Variants in PPIH observed in about 807,000 individuals in gnomAD.
PPIH encodes the protein peptidylprolyl isomerase H.
Under a neutral mutation model 27.6 loss-of-function variants are expected in PPIH, and 16 were observed. The ratio of observed to expected loss-of-function variants is 0.58; its 90% CI spans 0.39 to 0.88. The LOEUF (loss-of-function observed/expected upper bound fraction) is 0.88, where lower values mean the gene tolerates loss of function less well. Ranked by LOEUF, PPIH falls within the 40% of genes least tolerant of loss-of-function variation. The pLI is 0.00. For missense variants in PPIH, 155 were observed against 224.1 expected (o/e 0.69, Z 1.97); for synonymous variants, 63 against 76.1 (o/e 0.83, Z 0.90).
At chr1:42,667,295 T>G in intron 8 of PPIH, 56 bp from the exon 9 acceptor site, 1 of 1,490,700 alleles carries the variant, frequency 6.7e-7, no homozygotes, top group Non-Finnish European at 9.3e-7. Context: ...AAAAGTTTGA[T>G]AAGGGAACGA....
At chr1:42,680,547 G>A (rs1469947462), downstream of PPIH, among the ~76,000 whole-genome samples, 3 of 152,254 alleles carry the variant, frequency 2.0e-5, no homozygotes, top group East Asian at 5.8e-4. Flanking sequence ...AGTAGTCACT[G>A]GAAGATTTTA....
chr1:42,666,407 C>A, intron 7 of PPIH, 140 bp from the exon 8 acceptor site: 1 of 815,396 alleles, frequency 1.2e-6, no homozygotes, highest in Non-Finnish European at 2.0e-6. Flanking sequence ...TGACCTTGAG[C>A]AAGTCATTTC....
At chr1:42,659,644 A>G in intron 4 of PPIH, 78 bp downstream of exon 4, 1 of 1,536,954 alleles carries the variant, frequency 6.5e-7, no homozygotes, top group South Asian at 1.2e-5. Context: ...GGAAAATAAA[A>G]CCAGAGGGTA....
rs545849461 is a variant in PPIH, at chr1:42,660,171, G to A, written c.200+605G>A. On this transcript the variant is annotated intron_variant, in intron 4 of 9. Transcript: ENST00000304979. ...TCCCTAGGGGTAATAGCTAACAGTT[G>A]TTAAGCCCTTACATGTTTAGCAGTA... 7.2e-5 allele frequency among the ~76,000 whole-genome samples: 11 copies of A among 152,306 alleles called. No homozygotes were observed. The East Asian group carries it at 1.4e-3, about 19-fold the overall frequency.
At chr1:42,664,243 G>C (rs181077497) in intron 5 of PPIH, among the ~76,000 whole-genome samples, 2 of 152,164 alleles carry the variant, frequency 1.3e-5, no homozygotes, top group African/African-American at 4.8e-5. Flanking sequence ...TTCTCTCTCT[G>C]TTCTCTAGCC....
chr1:42,665,960 G>A lies in PPIH; in HGVS notation c.337-20G>A, dbSNP rs369318843. 1 of 1,604,742 alleles carries A rather than the reference G, an allele frequency of 6.2e-7. No homozygotes were observed. Among genetic ancestry groups the A allele is most frequent in the Non-Finnish European group, 8.5e-7 (1 of 1,171,444 alleles). On this transcript the variant is annotated intron_variant, in intron 6 of 9. Coordinates refer to ENST00000304979, the MANE Select transcript of PPIH (RefSeq NM_006347.4). ...ACATGGCCGGGGAAACTTACTGCAG[G>A]TATATTTGGTTTCCATCAGGCGAAC...
chr1:42,676,972 C>G (rs1283692204), downstream of PPIH, among the ~76,000 whole-genome samples: 1 of 152,004 alleles, frequency 6.6e-6, no homozygotes, highest in Non-Finnish European at 1.5e-5. Context: ...AGCTGATGGA[C>G]AAAGAAGGCA....
intron 5 of PPIH, among the ~76,000 whole-genome samples, chr1:42,661,605 GTCTT>G: frequency 6.6e-6 from 1 of 152,162 alleles, no homozygotes; most frequent in African/African-American, 2.4e-5. Context: ...CTTCTGAATG[GTCTT>G]TCTTTACTCT....
chr1:42,664,469 T>C (rs1282703072), intron 5 of PPIH, among the ~76,000 whole-genome samples: 1 of 152,056 alleles, frequency 6.6e-6, no homozygotes, highest in East Asian at 1.9e-4. Context: ...CCCTCTTAGA[T>C]AGTTTAGGGG....
At chr1:42,680,649 G>T (rs1570409856), downstream of PPIH, among the ~76,000 whole-genome samples, 1 of 152,204 alleles carries the variant, frequency 6.6e-6, no homozygotes, top group South Asian at 2.1e-4. Context: ...AGGTAGAGAG[G>T]TGTGGTTAGT....
downstream of PPIH, chr1:42,678,932 G>A (rs949933510): frequency 3.3e-5 from 5 of 152,222 alleles, no homozygotes. Flanking sequence ...CTAGGAAGAG[G>A]GAACTGTGTT....
At chr1:42,680,073 G>T (rs1179404930), downstream of PPIH, among the ~76,000 whole-genome samples, 1 of 152,244 alleles carries the variant, frequency 6.6e-6, no homozygotes, top group South Asian at 2.1e-4. Flanking sequence ...GTTAAGATGG[G>T]AGGGATTCTT....
chr1:42,660,619 G>A (rs1163041694), intron 4 of PPIH, among the ~76,000 whole-genome samples: 3 of 152,090 alleles, frequency 2.0e-5, no homozygotes, highest in Admixed American at 6.6e-5. Context: ...TAGTAGAGAC[G>A]GGGTTTTGCC....
chr1:42,658,732 G>T, intron 1 of PPIH, 112 bp from the exon 2 acceptor site: 2 of 1,299,270 alleles, frequency 1.5e-6, no homozygotes, highest in Non-Finnish European at 1.1e-6. Context: ...TAGGGAGGCG[G>T]AGGTGGGAGA....
At chr1:42,671,194 C>T (rs1231697416) in intron 9 of PPIH, among the ~76,000 whole-genome samples, 5 of 152,050 alleles carry the variant, frequency 3.3e-5, no homozygotes, top group African/African-American at 7.2e-5. Flanking sequence ...TTTGGGAGGC[C>T]GAAGCAGGTG....
intron 1 of PPIH, 28 bp downstream of exon 1, chr1:42,658,540 G>A (rs1648784786): frequency 6.2e-7 from 1 of 1,602,926 alleles, no homozygotes; most frequent in Non-Finnish European, 8.5e-7. Context: ...GCCCACACCT[G>A]CGCCGAAGGG....
downstream of PPIH, among the ~76,000 whole-genome samples, chr1:42,679,920 TCTG>T (rs1649979887): frequency 6.6e-6 from 1 of 152,242 alleles, no homozygotes; most frequent in African/African-American, 2.4e-5. Context: ...AGATGACCCT[TCTG>T]CTGCCAGTAC....
At chr1:42,677,534 T>C (rs1238410219), downstream of PPIH, among the ~76,000 whole-genome samples, 1 of 152,118 alleles carries the variant, frequency 6.6e-6, no homozygotes, top group African/African-American at 2.4e-5. Context: ...CTTAGCTGGG[T>C]GCTGTAGCTC....
At chr1:42,673,752 GA>G (rs1649754947) in intron 9 of PPIH, among the ~76,000 whole-genome samples, 1 of 152,142 alleles carries the variant, frequency 6.6e-6, no homozygotes, top group Non-Finnish European at 1.5e-5. Context: ...TGGATCTTAG[GA>G]AAAAATACGG....
Sources: gnomAD v4.1 joint callset for allele counts (sites outside exome capture counted in the v4.1 genomes callset) on GRCh38, gnomAD v4.1.1 for gene constraint, MANE v1.5 for transcripts, NCBI Gene and HGNC (gene_info 2026-07-23, HGNC 2026-07-21) for gene names.